P2RX4: variants seen among roughly 807,000 people sequenced by gnomAD.
P2RX4 encodes the protein purinergic receptor P2X 4, also known as P2X purinoceptor 4.
Under a neutral mutation model 48.0 loss-of-function variants are expected in P2RX4, and 37 were observed. The observed-to-expected ratio is 0.77, with a 90% CI of 0.59 to 1.01. The LOEUF (loss-of-function observed/expected upper bound fraction) is 1.01, where lower values mean the gene tolerates loss of function less well. Ranked by LOEUF, P2RX4 falls within the 50% of genes least tolerant of loss-of-function variation. The pLI, the probability that P2RX4 is intolerant of heterozygous loss-of-function variation, is 0.00. For missense variants in P2RX4, 501 were observed against 521.4 expected (o/e 0.96, Z 0.38); for synonymous variants, 200 against 199.7 (o/e 1.00, Z -0.01).
intron 8 of P2RX4, among the ~76,000 whole-genome samples, chr12:121,231,877 C>T (rs1279434595): frequency 2.6e-5 from 4 of 151,780 alleles, no homozygotes; most frequent in African/African-American, 4.8e-5. Context: ...TGGTGGTGTG[C>T]GCCTGTAGTC....
At chr12:121,219,943 T>C (rs111839148) in intron 2 of P2RX4, among the ~76,000 whole-genome samples, 2 of 152,148 alleles carry the variant, frequency 1.3e-5, no homozygotes, top group African/African-American at 4.8e-5. Flanking sequence ...TCTTTTGGGG[T>C]CTTTGCCTTT....
chr12:121,217,313 C>T (rs959979214), intron 2 of P2RX4, 32 bp downstream of exon 2: 1 of 1,604,964 alleles, frequency 6.2e-7, no homozygotes, highest in African/African-American at 1.3e-5. Flanking sequence ...CTGTCTAACA[C>T]TGACACCTTG....
chr12:121,229,993 G>A lies in P2RX4; in HGVS notation c.884+894G>A, dbSNP rs576322698. 9.2e-5 allele frequency among the ~76,000 whole-genome samples: 14 copies of A among 152,312 alleles called. No individual in the cohort carries two copies. The South Asian group carries it at 2.5e-3, about 27-fold the overall frequency. On this transcript the variant is annotated intron_variant, in intron 8 of 11. Coordinates refer to ENST00000337233, the MANE Select transcript of P2RX4 (RefSeq NM_002560.3). The surrounding 1 kb of genome is among the most constrained non-coding windows in gnomAD (Gnocchi z 4.6). The stretch of plus-strand genomic sequence containing the variant: ...TCACACTCCCAAGCTTCAGGTAGAT[G>A]TGAATTTTTGGGGACACACTGTTCA...
chr12:121,228,367 CAAA>C (rs1178066693), intron 5 of P2RX4, among the ~76,000 whole-genome samples, 163 bp from the exon 6 acceptor site: 4,278 of 80,824 alleles, frequency 0.053, 97 homozygotes, highest in South Asian at 0.13. Context: ...GACTCCATCT[CAAA>C]AAAAAAAAAA....
At chr12:121,211,206 T>C (rs912408519) in intron 1 of P2RX4, among the ~76,000 whole-genome samples, 1 of 152,144 alleles carries the variant, frequency 6.6e-6, no homozygotes, top group Non-Finnish European at 1.5e-5. Flanking sequence ...CTTTTTTAAT[T>C]TTTTTATTTT....
intron 8 of P2RX4, among the ~76,000 whole-genome samples, chr12:121,231,948 T>G: frequency 7.3e-6 from 1 of 136,832 alleles, no homozygotes; most frequent in East Asian, 2.1e-4. Context: ...GAGGTTGCAG[T>G]GAGCCAAGAT....
chr12:121,218,773 G>A (rs1023872140), intron 2 of P2RX4, among the ~76,000 whole-genome samples: 4 of 152,158 alleles, frequency 2.6e-5, no homozygotes, highest in African/African-American at 4.8e-5. Context: ...CTTTCACGAC[G>A]TCTGTGTTCT....
At position 121,228,573 on chromosome 12, in the gene P2RX4, G is replaced by C; in HGVS notation, c.565G>C (p.Val189Leu). Reference protein sequence around the residue: ...LKAAENFTLLVKNNIWYPKFN... With the variant: ...LKAAENFTLLLKNNIWYPKFN... ...GGCTGCAGAAAACTTCACTCTTTTG[G>C]TTAAGAACAACATCTGGTATCCCAA... is the stretch of plus-strand genomic sequence containing the variant. Residue 189 changes from valine to leucine, a missense_variant, in exon 6 of 12, where the codon GTT becomes CTT. By Grantham distance (32) the Val-to-Leu change is conservative. Transcript: ENST00000337233. 3 of 1,613,306 alleles carry C rather than the reference G, an allele frequency of 1.9e-6. No individual in the cohort carries two copies. Among genetic ancestry groups the C allele is most frequent in the Non-Finnish European group, 2.5e-6 (3 of 1,179,872 alleles).
intron 1 of P2RX4, chr12:121,214,163 C>G (rs913733177): frequency 6.6e-6 from 1 of 152,082 alleles, no homozygotes; most frequent in Non-Finnish European, 1.5e-5. Flanking sequence ...GATTGTGCCA[C>G]TGCACTTCAG....
At chr12:121,221,439 G>A (rs1280839384) in intron 2 of P2RX4, among the ~76,000 whole-genome samples, 3 of 149,302 alleles carry the variant, frequency 2.0e-5, no homozygotes, top group Non-Finnish European at 4.4e-5. Flanking sequence ...TGTCATCCAG[G>A]CTGGAGTGCA....
At position 121,220,517 on chromosome 12, in the gene P2RX4, TC is replaced by T. The variant is rs200311074; in HGVS notation, c.283-1393del. On this transcript the variant is annotated intron_variant, in intron 2 of 11. Coordinates refer to ENST00000337233, the MANE Select transcript of P2RX4 (RefSeq NM_002560.3). Reference sequence around the variant, plus strand: ...CAGGTGTGGTGATGTACACCTGTAGTCCCAGCTACTCAGGAGGGTGAGGCTG... The same window carrying T: ...CAGGTGTGGTGATGTACACCTGTAGTCCAGCTACTCAGGAGGGTGAGGCTG... 3.0e-4 allele frequency among the ~76,000 whole-genome samples: 45 copies of T among 152,036 alleles called. No individual in the cohort carries two copies. In the East Asian group the frequency reaches 8.1e-3, roughly 27 times the overall value.
chr12:121,217,863 G>A (rs1410334593), intron 2 of P2RX4, among the ~76,000 whole-genome samples: 1 of 152,060 alleles, frequency 6.6e-6, no homozygotes, highest in Admixed American at 6.6e-5. Context: ...GACTCCATCG[G>A]GAGCGAAAGG....
At chr12:121,212,052 C>T (rs567948392) in intron 1 of P2RX4, among the ~76,000 whole-genome samples, 4 of 152,322 alleles carry the variant, frequency 2.6e-5, no homozygotes, top group East Asian at 3.9e-4. Flanking sequence ...AGCAACGTTT[C>T]GGAACCAATG....
At chr12:121,222,569 CGCCCA>C (rs370889104) in intron 4 of P2RX4, 87 of 458,678 alleles carry the variant, frequency 1.9e-4, no homozygotes, top group African/African-American at 1.5e-3. Context: ...TGCACCACCA[CGCCCA>C]GCTAATTTTT....
At position 121,233,082 on chromosome 12, in the gene P2RX4, A is replaced by G. The variant is rs762115810; in HGVS notation, c.1130A>G (p.Asp377Gly). Residue 377 changes from aspartate (D) to glycine (G), a missense_variant, in exon 11 of 12, where the codon GAT becomes GGT. Around this residue, in one of 3 missense-constraint regions of P2RX4, gnomAD observed 197 missense variants for 219.5 expected, o/e 0.90. Coordinates refer to ENST00000337233, the MANE Select transcript of P2RX4 (RefSeq NM_002560.3). ...YREKKYKYVEDYEQGLASELD... is the reference protein window; with the variant it reads ...YREKKYKYVEGYEQGLASELD... ...GAGAAGAAATATAAATATGTGGAAGATTACGAGCAGGTAGGCCCCTCCTGG... is the reference window on the plus strand; with the variant it reads ...GAGAAGAAATATAAATATGTGGAAGGTTACGAGCAGGTAGGCCCCTCCTGG... The G allele has an allele frequency of 9.3e-6, 15 of 1,609,572 alleles. No homozygotes were observed. The highest frequency in any genetic ancestry group is 5.0e-5 in the Admixed American group (3 of 59,912).
At position 121,217,267 on chromosome 12, in the gene P2RX4, G is replaced by A; in HGVS notation, c.268G>A (p.Val90Met). ...GFRIWDVADY[V>M]IPAQEENSLF... ...CCGGATCTGGGATGTGGCGGATTAT[G>A]TGATACCAGCTCAGGTGTGTCTCCC... is the stretch of plus-strand genomic sequence containing the variant. The change falls in exon 2 of 12, where the codon GTG (valine) becomes ATG (methionine). Residue 90 changes from valine to methionine, a missense_variant. Around this residue, in one of 3 missense-constraint regions of P2RX4, gnomAD observed 295 missense variants for 275.3 expected, o/e 1.07. Transcript: ENST00000337233. The A allele has an allele frequency of 6.2e-7, 1 of 1,614,186 alleles. No individual in the cohort carries two copies. The highest frequency in any genetic ancestry group is 8.5e-7 in the Non-Finnish European group (1 of 1,180,044).
chr12:121,212,791 A>AATATATATATATATATATATATAT (rs779333692), intron 1 of P2RX4: 1 of 60,498 alleles, frequency 1.7e-5, no homozygotes, highest in African/African-American at 7.5e-5. Context: ...CTCCATCTCA[A>AATATATATATATATATATATATAT]ATATATATAT....
intron 1 of P2RX4, among the ~76,000 whole-genome samples, chr12:121,211,354 C>CA (rs1885831958): frequency 6.6e-6 from 1 of 152,080 alleles, no homozygotes; most frequent in Admixed American, 6.6e-5. Context: ...AAGTGCCCGC[C>CA]ACCACGCCCG....
chr12:121,228,411 CACACACACACAG>C (rs1346848655), intron 5 of P2RX4, 110 bp from the exon 6 acceptor site: 3 of 370,092 alleles, frequency 8.1e-6, no homozygotes, highest in African/African-American at 4.3e-5. Context: ...TATATACACA[CACACACACACAG>C]ACACACACAC....
Sources: allele counts gnomAD v4.1 joint callset (sites outside exome capture counted in the v4.1 genomes callset), GRCh38; gene constraint gnomAD v4.1.1; regional missense constraint gnomAD v4.1.1; non-coding constraint Gnocchi (gnomAD v3.1); transcripts MANE v1.5; gene names NCBI Gene and HGNC (gene_info 2026-07-23, HGNC 2026-07-21).